Variants in CSMD1 observed in about 807,000 individuals in gnomAD.
The protein encoded by CSMD1 is CUB and sushi domain-containing protein 1.
CSMD1 carries 213 observed loss-of-function variants against 417.5 expected under a neutral mutation model. That is an observed-to-expected ratio of 0.51 (90% CI 0.46 to 0.57). The LOEUF (loss-of-function observed/expected upper bound fraction) is 0.57, where lower values mean the gene tolerates loss of function less well. Ranked by LOEUF, CSMD1 falls within the 20% of genes least tolerant of loss-of-function variation. The pLI, the probability that CSMD1 is intolerant of heterozygous loss-of-function variation, is 0.00. For synonymous variants in CSMD1, 2,862 were observed against 1,736.8 expected, an observed-to-expected ratio of 1.65 and a Z score of -16.11; for missense variants, 6,923 against 4,529.7, an observed-to-expected ratio of 1.53 and a Z score of -15.17.
intron 3 of CSMD1, among the ~76,000 whole-genome samples, chr8:4,060,323 C>G (rs191447873): frequency 1.3e-5 from 2 of 152,090 alleles, no homozygotes; most frequent in African/African-American, 4.8e-5. Context: ...TATGACAAAC[C>G]CACAGCCGAT....
Position 4,143,375 on chromosome 8 carries a change from T to C in CSMD1, c.416-111276A>G, listed in dbSNP as rs1002552862. 5.2e-3 allele frequency among the ~76,000 whole-genome samples: 768 copies of C among 148,036 alleles called. 54 individuals are homozygous for C. Among genetic ancestry groups the C allele is most frequent in the African/African-American group, 0.017 (665 of 39,824 alleles). On this transcript the variant is annotated intron_variant, in intron 3 of 69. Transcript: ENST00000635120. The stretch of plus-strand genomic sequence containing the variant: ...AAATATAATGACGTCTTATCCCTTT[T>C]TTTTTTTTTTTTGCTACAGACTAAG...
intron 5 of CSMD1, among the ~76,000 whole-genome samples, chr8:3,877,110 C>T (rs774866216): frequency 1.3e-5 from 2 of 152,192 alleles, no homozygotes; most frequent in Non-Finnish European, 2.9e-5. Flanking sequence ...AGTAGTGCAA[C>T]TCCTCGGTGA....
intron 1 of CSMD1, among the ~76,000 whole-genome samples, chr8:4,699,546 T>C (rs1807374519): frequency 6.6e-6 from 1 of 152,242 alleles, no homozygotes; most frequent in Non-Finnish European, 1.5e-5. Flanking sequence ...TCTTATTAAC[T>C]CTTCTGTGTG....
chr8:3,247,493 A>C (rs1447815406), intron 26 of CSMD1, among the ~76,000 whole-genome samples: 1 of 152,148 alleles, frequency 6.6e-6, no homozygotes, highest in Admixed American at 6.5e-5. Context: ...GAGAGGCCCA[A>C]AGAAAAGGCC....
intron 15 of CSMD1, among the ~76,000 whole-genome samples, chr8:3,401,714 A>C (rs974701746): frequency 6.6e-6 from 1 of 151,930 alleles, no homozygotes; most frequent in African/African-American, 2.4e-5. Context: ...AAAAGGTCTT[A>C]GGAAAGCAAT....
intron 4 of CSMD1, among the ~76,000 whole-genome samples, chr8:4,013,417 G>C (rs34352352): frequency 0.2 from 30,168 of 152,018 alleles, 3,290 homozygotes; most frequent in African/African-American, 0.28. Flanking sequence ...CCGTTCATTA[G>C]AGGTCCAAAT....
At chr8:3,291,700 A>G (rs866764262) in intron 25 of CSMD1, among the ~76,000 whole-genome samples, 4 of 151,388 alleles carry the variant, frequency 2.6e-5, no homozygotes, top group African/African-American at 9.8e-5. Context: ...TATTATGTCT[A>G]TTTGATTCTT....
intron 5 of CSMD1, among the ~76,000 whole-genome samples, chr8:3,847,018 G>C (rs1414024430): frequency 2.0e-5 from 3 of 152,122 alleles, no homozygotes; most frequent in African/African-American, 2.4e-5. Context: ...ATCCACAGCA[G>C]ATCAGATGAT....
intron 26 of CSMD1, among the ~76,000 whole-genome samples, chr8:3,259,993 C>A (rs576470410): frequency 6.6e-6 from 1 of 152,314 alleles, no homozygotes; most frequent in South Asian, 2.1e-4. Flanking sequence ...ACAGGACCTG[C>A]AAAGCCTAAA....
rs554344737 is a variant in CSMD1 at position 4,958,790 on chromosome 8, G to T, written c.85+35542C>A. ...TCAAACTAGAAGTGAAAAAAGCGGG[G>T]CTTTCATGAAGAAAATATATCCCAT... On this transcript the variant is annotated intron_variant, in intron 1 of 69. Transcript: ENST00000635120. Among the ~76,000 whole-genome samples the T allele has an allele frequency of 2.9e-3, 443 of 152,238 alleles. 1 individual carries two copies. The highest frequency in any genetic ancestry group is 3.9e-3 in the Non-Finnish European group (266 of 67,998).
chr8:3,716,540 CAG>C (rs1245606482), intron 6 of CSMD1, among the ~76,000 whole-genome samples: 1 of 152,114 alleles, frequency 6.6e-6, no homozygotes, highest in African/African-American at 2.4e-5. Flanking sequence ...TGAGGATGGC[CAG>C]AGTCACTCTC....
At chr8:3,458,322 A>G (rs528645373) in intron 12 of CSMD1, among the ~76,000 whole-genome samples, 21 of 152,348 alleles carry the variant, frequency 1.4e-4, no homozygotes, top group African/African-American at 5.1e-4. Flanking sequence ...TAAATATTTA[A>G]TAATGGCTTA....
At chr8:4,008,488 G>T (rs1225950361) in intron 4 of CSMD1, among the ~76,000 whole-genome samples, 1 of 147,104 alleles carries the variant, frequency 6.8e-6, no homozygotes, top group African/African-American at 2.5e-5. Flanking sequence ...GCTCTCCCTT[G>T]TTTACACATG....
intron 1 of CSMD1, chr8:4,787,958 CTGGCCA>C: frequency 6.3e-7 from 1 of 1,595,690 alleles, no homozygotes; most frequent in Non-Finnish European, 8.6e-7. Context: ...CCTGGAGACT[CTGGCCA>C]TCAGGAGATC....
At chr8:3,845,013 T>C (rs963527367) in intron 5 of CSMD1, among the ~76,000 whole-genome samples, 9 of 152,176 alleles carry the variant, frequency 5.9e-5, no homozygotes, top group Non-Finnish European at 1.3e-4. Flanking sequence ...TTAACAAAGG[T>C]TATTGATGTA....
chr8:4,525,241 T>C (rs185393258), intron 2 of CSMD1, among the ~76,000 whole-genome samples: 51 of 152,218 alleles, frequency 3.4e-4, no homozygotes, highest in African/African-American at 1.2e-3. Flanking sequence ...GAGAAAAGCA[T>C]CATTCACTCG....
chr8:4,529,720 T>C (rs990621412), intron 2 of CSMD1, among the ~76,000 whole-genome samples: 1 of 152,060 alleles, frequency 6.6e-6, no homozygotes, highest in East Asian at 1.9e-4. Context: ...AATCCTACTA[T>C]GGGGTTCTTA....
intron 5 of CSMD1, among the ~76,000 whole-genome samples, chr8:3,826,273 A>G (rs1326283562): frequency 6.6e-6 from 1 of 152,096 alleles, no homozygotes; most frequent in African/African-American, 2.4e-5. Flanking sequence ...TCACCCAAAA[A>G]TACCACCCAG....
intron 2 of CSMD1, among the ~76,000 whole-genome samples, chr8:4,438,763 T>C (rs929405823): frequency 6.6e-6 from 1 of 152,226 alleles, no homozygotes; most frequent in Non-Finnish European, 1.5e-5. Flanking sequence ...GTCCAAACCA[T>C]GTGCCCTGAA....
Sources: gnomAD v4.1 joint callset for allele counts (sites outside exome capture counted in the v4.1 genomes callset) on GRCh38, gnomAD v4.1.1 for gene constraint, MANE v1.5 for transcripts, NCBI Gene and HGNC (gene_info 2026-07-23, HGNC 2026-07-21) for gene names.